The following SENP7 variants were observed in gnomAD, a reference collection of about 807,000 sequenced individuals.
SENP7 encodes the protein SUMO specific peptidase 7, also known as sentrin-specific protease 7.
Under a neutral mutation model 141.2 loss-of-function variants are expected in SENP7, and 64 were observed. The ratio of observed to expected loss-of-function variants is 0.45; its 90% confidence interval spans 0.37 to 0.56. The LOEUF (loss-of-function observed/expected upper bound fraction) is 0.56, where lower values mean the gene tolerates loss of function less well. Ranked by LOEUF, SENP7 falls within the 20% of genes least tolerant of loss-of-function variation. SENP7 has a pLI of 0.00. For synonymous variants in SENP7, 382 were observed against 426.4 expected, an observed-to-expected ratio of 0.90 and a Z score of 1.28; for missense variants, 1,025 against 1,212.2, an observed-to-expected ratio of 0.85 and a Z score of 2.29.
At chr3:101,460,826 A>G (rs1386867320) in intron 3 of SENP7, among the ~76,000 whole-genome samples, 1 of 152,118 alleles carries the variant, frequency 6.6e-6, no homozygotes, top group Admixed American at 6.6e-5. Context: ...GTCAACCACA[A>G]TGGCTCACAC....
intron 11 of SENP7, among the ~76,000 whole-genome samples, chr3:101,360,865 CTTTAAAA>C (rs2059878150): frequency 6.6e-6 from 1 of 152,054 alleles, no homozygotes; most frequent in Non-Finnish European, 1.5e-5. Context: ...ATCAGAGAAG[CTTTAAAA>C]GATGATTAGG....
chr3:101,405,209 T>C (rs1410724006), intron 5 of SENP7, among the ~76,000 whole-genome samples: 2 of 152,140 alleles, frequency 1.3e-5, no homozygotes, highest in Non-Finnish European at 2.9e-5. Flanking sequence ...CCAAATACTA[T>C]GCTGGTATCC....
At chr3:101,435,893 T>G (rs982212925) in intron 4 of SENP7, among the ~76,000 whole-genome samples, 1 of 152,042 alleles carries the variant, frequency 6.6e-6, no homozygotes, top group Non-Finnish European at 1.5e-5. Flanking sequence ...AAAACACCAG[T>G]GACATTCTTC....
intron 5 of SENP7, among the ~76,000 whole-genome samples, chr3:101,410,005 A>C (rs996566941): frequency 6.7e-6 from 1 of 148,680 alleles, no homozygotes; most frequent in African/African-American, 2.6e-5. Context: ...GATAACCCAC[A>C]GAGTGGGAAA....
chr3:101,408,835 G>A (rs1039616547), intron 5 of SENP7, among the ~76,000 whole-genome samples: 1 of 152,030 alleles, frequency 6.6e-6, no homozygotes, highest in Non-Finnish European at 1.5e-5. Context: ...ATACTGAATG[G>A]GGAAAAGTTG....
At chr3:101,373,931 G>C (rs950803461) in intron 6 of SENP7, among the ~76,000 whole-genome samples, 1 of 152,008 alleles carries the variant, frequency 6.6e-6, no homozygotes, top group African/African-American at 2.4e-5. Context: ...CCAAGTTCCT[G>C]AACAAGAAAT....
rs1607776 is a variant in SENP7 at position 101,391,954 on chromosome 3, C to T, written c.677+6907G>A. Among the ~76,000 whole-genome samples, 167 of 152,074 alleles carry T rather than the reference C, an allele frequency of 1.1e-3. 1 individual carries two copies. The South Asian group carries it at 0.021, about 19-fold the overall frequency. Reference sequence around the variant, plus strand: ...ATAATTGTGATACCTCATATTAGAACGAAGGGCAAAAACCATGTGATCACC... The same window carrying T: ...ATAATTGTGATACCTCATATTAGAATGAAGGGCAAAAACCATGTGATCACC... On this transcript the variant is annotated intron_variant, in intron 6 of 23. Transcript: ENST00000394095.
rs148749791 is a variant in SENP7 at position 101,459,938 on chromosome 3, T to C, written c.187-886A>G. Among the ~76,000 whole-genome samples the C allele has an allele frequency of 6.1e-3, 933 of 152,162 alleles. 7 individuals carry two copies. Among genetic ancestry groups the C allele is most frequent in the African/African-American group, 0.022 (899 of 41,534 alleles). On this transcript the variant is annotated intron_variant, in intron 3 of 23. Coordinates refer to ENST00000394095, the MANE Select transcript of SENP7 (RefSeq NM_020654.5). ...TTAAGAAAAAAAATTCCACTTACAATAGCATATCAAAAAGAATAAAATACT... is the reference window on the plus strand; with the variant it reads ...TTAAGAAAAAAAATTCCACTTACAACAGCATATCAAAAAGAATAAAATACT...
Position 101,325,871 on chromosome 3 carries a change from GC to G in SENP7, c.*71del, listed in dbSNP as rs1044284395. The G allele has an allele frequency of 2.2e-6, 3 of 1,393,206 alleles. No homozygotes were observed. The highest frequency in any genetic ancestry group is 1.9e-6 in the Non-Finnish European group (2 of 1,037,178). 86.3% of individuals were successfully genotyped at this position (1,393,206 alleles called of 1,614,324 possible). A position where few individuals can be genotyped will look rare whatever the true frequency, so the allele number is the denominator to read the frequency against. On this transcript the variant is annotated 3_prime_UTR_variant, in exon 24 of 24. Coordinates refer to ENST00000394095, the MANE Select transcript of SENP7 (RefSeq NM_020654.5). ...AAGTTATTTTCTTCTCTGTGAGCTG[GC>G]TAACACAAATGCTGGTAAGAGGCTT... is the stretch of plus-strand genomic sequence containing the variant.
chr3:101,387,867 G>C (rs975309133), intron 6 of SENP7, among the ~76,000 whole-genome samples: 1 of 152,236 alleles, frequency 6.6e-6, no homozygotes, highest in African/African-American at 2.4e-5. Context: ...AGGGGGACTA[G>C]GGATCGACTA....
intron 4 of SENP7, among the ~76,000 whole-genome samples, chr3:101,424,464 A>G (rs975938723): frequency 6.6e-6 from 1 of 152,072 alleles, no homozygotes; most frequent in Non-Finnish European, 1.5e-5. Flanking sequence ...CCACCATTGC[A>G]GTGCAAACCA....
chr3:101,384,104 T>C (rs2060585372), intron 6 of SENP7, among the ~76,000 whole-genome samples: 1 of 152,246 alleles, frequency 6.6e-6, no homozygotes, highest in African/African-American at 2.4e-5. Flanking sequence ...CCCTCTCAGC[T>C]GAGAGCTGTA....
intron 3 of SENP7, among the ~76,000 whole-genome samples, chr3:101,468,022 T>G (rs991667787): frequency 7.2e-5 from 11 of 152,126 alleles, no homozygotes; most frequent in African/African-American, 2.7e-4. Context: ...AATGACCTCA[T>G]GGAGGTGAAA....
intron 5 of SENP7, chr3:101,414,691 T>C: frequency 1.9e-6 from 2 of 1,053,146 alleles, no homozygotes; most frequent in Non-Finnish European, 2.8e-6. Flanking sequence ...TATAAGGCAT[T>C]TGGGAACTTT....
At chr3:101,374,170 T>C (rs543113330) in intron 6 of SENP7, among the ~76,000 whole-genome samples, 2 of 152,244 alleles carry the variant, frequency 1.3e-5, no homozygotes, top group Non-Finnish European at 2.9e-5. Context: ...GCTCAAAAGA[T>C]TTTTGACAAG....
chr3:101,408,578 T>C (rs1427109035), intron 5 of SENP7, among the ~76,000 whole-genome samples: 1 of 151,998 alleles, frequency 6.6e-6, no homozygotes, highest in Non-Finnish European at 1.5e-5. Flanking sequence ...AAAAAGATAA[T>C]CCACCATGAT....
In SENP7 at chr3:101,474,259, T is replaced by G. The variant is rs746800692; in HGVS notation, c.187-15207A>C. Among the ~76,000 whole-genome samples, 92 of 152,352 alleles carry G rather than the reference T, an allele frequency of 6.0e-4. 2 individuals carry two copies. Among genetic ancestry groups the G allele is most frequent in the South Asian group, 4.1e-4 (2 of 4,828 alleles). On this transcript the variant is annotated intron_variant, in intron 3 of 23. Transcript: ENST00000394095. Reference sequence around the variant, plus strand: ...ATTGGTAGTTTCATAAGAATAGCATTAAATCTATAAATTGCTTTGGGCAGT... The same window carrying G: ...ATTGGTAGTTTCATAAGAATAGCATGAAATCTATAAATTGCTTTGGGCAGT...
intron 4 of SENP7, chr3:101,457,516 T>A (rs993627136): frequency 1.4e-5 from 22 of 1,609,358 alleles, no homozygotes; most frequent in Admixed American, 5.0e-5. Flanking sequence ...TTAAAGTGGA[T>A]CACTGTTCCT....
chr3:101,417,518 T>G, intron 5 of SENP7, 75 bp downstream of exon 5: 1 of 1,235,666 alleles, frequency 8.1e-7, no homozygotes, highest in Non-Finnish European at 1.2e-6. Flanking sequence ...TTTCAACAAT[T>G]TTATCATTAG....
Sources: allele counts gnomAD v4.1 joint callset (sites outside exome capture counted in the v4.1 genomes callset), GRCh38; gene constraint gnomAD v4.1.1; transcripts MANE v1.5; gene names NCBI Gene and HGNC (gene_info 2026-07-23, HGNC 2026-07-21).